KAZN: variants seen among roughly 807,000 people sequenced by gnomAD.
KAZN encodes kazrin, periplakin interacting protein, also known as kazrin.
In KAZN, 40 loss-of-function variants were observed where a neutral mutation model predicts 87.4. That is an observed-to-expected ratio of 0.46 (90% confidence interval 0.36 to 0.60). The LOEUF (loss-of-function observed/expected upper bound fraction) is 0.60. KAZN is among the 20% of genes least tolerant of loss of function. The pLI is 0.00. For synonymous variants in KAZN, 466 were observed against 458.3 expected (o/e 1.02, Z -0.22); for missense variants, 898 against 1,073.9 (o/e 0.84, Z 2.29).
chr1:14,956,872 C>A (rs7548066), intron 1 of KAZN, among the ~76,000 whole-genome samples: 10,772 of 152,100 alleles, frequency 0.071, 1,289 homozygotes, highest in African/African-American at 0.25. Flanking sequence ...TCTGACCTCT[C>A]CAGCCTTCCT....
chr1:14,383,097 T>G (rs1336817531), intron 2 of KAZN, among the ~76,000 whole-genome samples: 2 of 152,068 alleles, frequency 1.3e-5, no homozygotes, highest in Non-Finnish European at 2.9e-5. Flanking sequence ...TCATGTGTTT[T>G]TTGGCTGCAT....
chr1:13,995,219 C>CAAAAAAAAAAAAAAAAAAA (rs113600200), intron 1 of KAZN, among the ~76,000 whole-genome samples: 2 of 107,382 alleles, frequency 1.9e-5, no homozygotes, highest in Non-Finnish European at 2.0e-5. Context: ...TGCAATAAGG[C>CAAAAAAAAAAAAAAAAAAA]AAAAAAAAAA....
intron 1 of KAZN, among the ~76,000 whole-genome samples, chr1:14,096,395 G>C (rs1644128881): frequency 6.6e-6 from 1 of 152,214 alleles, no homozygotes; most frequent in African/African-American, 2.4e-5. Context: ...GGGCTTAAGA[G>C]TGAGCCAGAT....
chr1:14,175,950 G>A lies in KAZN; in HGVS notation c.92-4485G>A, dbSNP rs574959881. 2.0e-5 allele frequency among the ~76,000 whole-genome samples: 3 copies of A among 152,278 alleles called. No homozygotes were observed. In the South Asian group the frequency reaches 6.2e-4, roughly 32 times the overall value. On this transcript the variant is annotated intron_variant, in intron 1 of 16. Transcript: ENST00000636203. Reference sequence around the variant, plus strand: ...TGCCCTTGCCAACTCTTCTCCTCATGGCTCAGCATGTCCTAACCTTCCTGT... The same window carrying A: ...TGCCCTTGCCAACTCTTCTCCTCATAGCTCAGCATGTCCTAACCTTCCTGT...
At chr1:14,551,361 G>A (rs906339829) in intron 2 of KAZN, among the ~76,000 whole-genome samples, 1 of 152,170 alleles carries the variant, frequency 6.6e-6, no homozygotes, top group African/African-American at 2.4e-5. Context: ...ACTTTGCACA[G>A]CTCTCTAGAA....
chr1:14,805,103 G>A (rs1036749620), intron 1 of KAZN, among the ~76,000 whole-genome samples: 14 of 152,218 alleles, frequency 9.2e-5, no homozygotes, highest in Non-Finnish European at 1.8e-4. Flanking sequence ...GTTGAAGAGC[G>A]TACTAGTCGG....
chr1:14,565,016 G>A (rs1392255273), intron 2 of KAZN, among the ~76,000 whole-genome samples: 2 of 151,630 alleles, frequency 1.3e-5, no homozygotes, highest in African/African-American at 4.8e-5. Flanking sequence ...AAGGAGAAAC[G>A]AAAAAAATTA....
chr1:14,905,510 T>A (rs1656419982), intron 1 of KAZN, among the ~76,000 whole-genome samples: 1 of 152,084 alleles, frequency 6.6e-6, no homozygotes, highest in African/African-American at 2.4e-5. Flanking sequence ...CAAACAGTAA[T>A]GAGGATGAAC....
intron 3 of KAZN, among the ~76,000 whole-genome samples, chr1:15,036,321 C>CTCCCT (rs1672302932): frequency 3.9e-5 from 1 of 25,380 alleles, no homozygotes; most frequent in African/African-American, 3.2e-4. Context: ...CTCTGCCTAG[C>CTCCCT]CTGCCCCGCC....
At chr1:14,936,212 G>A (rs12739376) in intron 1 of KAZN, among the ~76,000 whole-genome samples, 23,373 of 152,220 alleles carry the variant, frequency 0.15, 1,959 homozygotes, top group Admixed American at 0.24. Flanking sequence ...TTGGTGAAAT[G>A]AAATCATAGT....
At position 13,935,024 on chromosome 1, in the gene KAZN, G is replaced by A. The variant is rs572596816; in HGVS notation, c.91+41268G>A. On this transcript the variant is annotated intron_variant, in intron 1 of 16. Transcript: ENST00000636203. ...GGTCGAGGCAGGTGGATCACCTGAG[G>A]TCAGGAGTTCAAGACCAGCCTGGTC... Among the ~76,000 whole-genome samples, 3 of 152,136 alleles carry A rather than the reference G, an allele frequency of 2.0e-5. No homozygotes were observed. In the East Asian group the frequency reaches 5.8e-4, roughly 29 times the overall value.
At chr1:14,372,636 G>A (rs900659356) in intron 2 of KAZN, among the ~76,000 whole-genome samples, 4 of 152,150 alleles carry the variant, frequency 2.6e-5, no homozygotes, top group Non-Finnish European at 1.5e-5. Context: ...CTAAAATAAC[G>A]GGAATATTCA....
chr1:14,688,917 G>A (rs996446696), intron 1 of KAZN, among the ~76,000 whole-genome samples: 3 of 152,110 alleles, frequency 2.0e-5, no homozygotes, highest in Admixed American at 6.5e-5. Context: ...GGTAAGGCTG[G>A]GCGCGGTGGC....
rs547522381 is a variant in KAZN, at chr1:14,793,937, C to T, written c.227-166747C>T. Among the ~76,000 whole-genome samples, 80 of 152,342 alleles carry T rather than the reference C, an allele frequency of 5.3e-4. 1 individual carries two copies. The highest frequency in any genetic ancestry group is 4.4e-5 in the Non-Finnish European group (3 of 68,036). Reference sequence around the variant, plus strand: ...CTGTTAGGGGCCCCATGAAACCACACAGCCCGCAGCCTCCACCTGAGGAAA... The same window carrying T: ...CTGTTAGGGGCCCCATGAAACCACATAGCCCGCAGCCTCCACCTGAGGAAA... On this transcript the variant is annotated intron_variant, in intron 1 of 14. Coordinates refer to ENST00000376030, the MANE Select transcript of KAZN (RefSeq NM_201628.3).
chr1:14,423,691 C>T (rs1177511768), intron 2 of KAZN, among the ~76,000 whole-genome samples: 3 of 152,142 alleles, frequency 2.0e-5, no homozygotes, highest in Admixed American at 6.5e-5. Flanking sequence ...CTTTGGAATC[C>T]AATTCCTCCC....
At chr1:14,814,494 G>A (rs1300738382) in intron 1 of KAZN, among the ~76,000 whole-genome samples, 5 of 152,206 alleles carry the variant, frequency 3.3e-5, no homozygotes, top group Admixed American at 6.5e-5. Context: ...GATTGCAGGC[G>A]TGAGCCACTG....
chr1:14,704,993 T>C (rs1642137990), intron 1 of KAZN, among the ~76,000 whole-genome samples: 1 of 152,160 alleles, frequency 6.6e-6, no homozygotes, highest in Admixed American at 6.5e-5. Context: ...AGCCACATGG[T>C]TTCTATATTA....
intron 1 of KAZN, among the ~76,000 whole-genome samples, chr1:14,680,542 A>T (rs1461528433): frequency 6.6e-6 from 1 of 152,048 alleles, no homozygotes; most frequent in African/African-American, 2.4e-5. Flanking sequence ...GGTTTGCTGC[A>T]CCCATCAACC....
At chr1:15,087,681 C>T (rs1640327598) in intron 8 of KAZN, among the ~76,000 whole-genome samples, 1 of 152,174 alleles carries the variant, frequency 6.6e-6, no homozygotes, top group Admixed American at 6.5e-5. Flanking sequence ...GCCACCACAC[C>T]CAGCCCTTAA....
Sources: allele counts gnomAD v4.1 joint callset (sites outside exome capture counted in the v4.1 genomes callset), GRCh38; gene constraint gnomAD v4.1.1; transcripts MANE v1.5; gene names NCBI Gene and HGNC (gene_info 2026-07-23, HGNC 2026-07-21).